Variants in GTF2H3 observed in about 807,000 individuals in gnomAD.
GTF2H3 encodes the protein general transcription factor IIH subunit 3.
In GTF2H3, 42 loss-of-function variants were observed where a neutral mutation model predicts 51.1. The ratio of observed to expected loss-of-function variants is 0.82; its 90% CI spans 0.64 to 1.06. The LOEUF (loss-of-function observed/expected upper bound fraction) is 1.06. GTF2H3 is among the 50% of genes least tolerant of loss of function. GTF2H3 has a pLI of 0.00. For missense variants in GTF2H3, 326 were observed against 366.1 expected (o/e 0.89, Z 0.89); for synonymous variants, 123 against 123.8 (o/e 0.99, Z 0.04).
chr12:123,643,466 A>G (rs952279818), intron 2 of GTF2H3, among the ~76,000 whole-genome samples: 49 of 152,224 alleles, frequency 3.2e-4, no homozygotes, highest in African/African-American at 1.2e-3. Flanking sequence ...TCAGTGCTGT[A>G]TGAGAGTTCC....
At chr12:123,638,325 ATT>A (rs1187510784) in intron 1 of GTF2H3, among the ~76,000 whole-genome samples, 5 of 142,084 alleles carry the variant, frequency 3.5e-5, no homozygotes, top group Admixed American at 1.4e-4. Context: ...AACCCAGCTA[ATT>A]TTTTTTTTTT....
Position 123,659,867 on chromosome 12 carries a change from G to A in GTF2H3, c.757G>A (p.Ala253Thr). ...LPPPVHVDYRAACFCHRNLIE... is the reference protein window; with the variant it reads ...LPPPVHVDYRTACFCHRNLIE... ...ACCCCCAGTTCATGTTGACTACAGGGCTGCTTGCTTCTGTCATCGAAATCT... is the reference window on the plus strand; with the variant it reads ...ACCCCCAGTTCATGTTGACTACAGGACTGCTTGCTTCTGTCATCGAAATCT... Residue 253 changes from alanine to threonine, a missense_variant, in exon 11 of 13, where the codon GCT becomes ACT. Physicochemically the swap from Ala to Thr is moderately conservative, Grantham distance 58 (BLOSUM62 0). Transcript: ENST00000543341. 5 of 1,613,904 alleles carry A rather than the reference G, an allele frequency of 3.1e-6. No homozygotes were observed. The highest frequency in any genetic ancestry group is 4.2e-6 in the Non-Finnish European group (5 of 1,179,826).
Position 123,645,341 on chromosome 12 carries a change from A to T in GTF2H3, c.94-114A>T, listed in dbSNP as rs1955431314. The stretch of plus-strand genomic sequence containing the variant: ...CACCTTGGCCTCTCAGGGTGCTGGG[A>T]TTACAGGCTTGAGCCACTGCACCCA... On this transcript the variant is annotated intron_variant, in intron 2 of 12. Transcript: ENST00000543341. The T allele has an allele frequency of 6.2e-6, 4 of 644,132 alleles. No homozygotes were observed. The South Asian group carries it at 7.5e-5, about 12-fold the overall frequency. 39.9% of individuals were successfully genotyped at this position (644,132 alleles called of 1,614,324 possible).
chr12:123,658,407 A>G (rs954984315), intron 9 of GTF2H3, among the ~76,000 whole-genome samples: 5 of 152,122 alleles, frequency 3.3e-5, no homozygotes, highest in Non-Finnish European at 7.4e-5. Context: ...TAGTAGAGAC[A>G]GGGTTTTATA....
At chr12:123,641,475 C>T (rs1429125210) in intron 2 of GTF2H3, among the ~76,000 whole-genome samples, 1 of 151,488 alleles carries the variant, frequency 6.6e-6, no homozygotes, top group Admixed American at 6.6e-5. Flanking sequence ...ATCTGCCTGC[C>T]TCGACCTCCC....
chr12:123,652,437 G>T, intron 5 of GTF2H3, 95 bp from the exon 6 acceptor site: 1 of 711,662 alleles, frequency 1.4e-6, no homozygotes, highest in South Asian at 1.8e-5. Flanking sequence ...GGTAGATGCT[G>T]GGTTTATTTA....
intron 9 of GTF2H3, among the ~76,000 whole-genome samples, chr12:123,657,659 C>T (rs1955604340): frequency 1.3e-5 from 2 of 152,176 alleles, no homozygotes; most frequent in African/African-American, 2.4e-5. Context: ...ATTTACTTAC[C>T]TGATTTACTC....
rs554198604 is a variant in GTF2H3, at chr12:123,645,374, C to T, written c.94-81C>T. On this transcript the variant is annotated intron_variant, in intron 2 of 12. Transcript: ENST00000543341. ...CTTGAGCCACTGCACCCAGCCTAAACGACATCTTAATTATGTCAAGACCTG... is the reference window on the plus strand; with the variant it reads ...CTTGAGCCACTGCACCCAGCCTAAATGACATCTTAATTATGTCAAGACCTG... 2.3e-4 allele frequency: 183 copies of T among 783,098 alleles called. 1 individual carries two copies. The highest frequency in any genetic ancestry group is 3.0e-4 in the Middle Eastern group (1 of 3,296). The allele number at this position is 783,098 out of a possible 1,614,324, so 48.5% of individuals were successfully genotyped here.
chr12:123,645,690 G>A, intron 3 of GTF2H3, 129 bp downstream of exon 3: 2 of 607,534 alleles, frequency 3.3e-6, no homozygotes, highest in South Asian at 4.0e-5. Flanking sequence ...AACAGCCACA[G>A]CACCAAGAGC....
intron 2 of GTF2H3, among the ~76,000 whole-genome samples, chr12:123,644,273 C>CA (rs922934254): frequency 4.1e-5 from 6 of 147,994 alleles, no homozygotes; most frequent in South Asian, 4.3e-4. Flanking sequence ...ATATGAGTAC[C>CA]AAAAAAAAAA....
intron 4 of GTF2H3, chr12:123,650,305 G>A (rs922261060): frequency 1.3e-5 from 2 of 152,168 alleles, no homozygotes; most frequent in African/African-American, 4.8e-5. Context: ...CTCATGGCTC[G>A]AGGAAAGAGC....
Position 123,660,300 on chromosome 12 carries a change from G to A in GTF2H3, c.*65G>A, listed in dbSNP as rs1955641867. On this transcript the variant is annotated 3_prime_UTR_variant, in exon 13 of 13. Coordinates refer to ENST00000543341, the MANE Select transcript of GTF2H3 (RefSeq NM_001516.5). The stretch of plus-strand genomic sequence containing the variant: ...AAATTATATAGCAGATTCTTTGTTG[G>A]GAAGACTGAAAAAAATAAAGATAGG... 1 of 1,178,240 alleles carries A rather than the reference G, an allele frequency of 8.5e-7. No individual in the cohort carries two copies. The allele number at this position is 1,178,240 out of a possible 1,614,324, so 73.0% of individuals were successfully genotyped here. A position where few individuals can be genotyped will look rare whatever the true frequency, so the allele number is the denominator to read the frequency against.
rs142266148 is a variant in GTF2H3 at position 123,654,916 on chromosome 12, A to G, written c.487-8A>G. On this transcript the variant is annotated splice_region_variant and splice_polypyrimidine_tract_variant and intron_variant, in intron 7 of 12. Transcript: ENST00000543341. ...CCTGGGTGGAATTAACATGACTGTGATTTTTAGGTGATTAAGGCTGCAGAA... is the reference window on the plus strand; with the variant it reads ...CCTGGGTGGAATTAACATGACTGTGGTTTTTAGGTGATTAAGGCTGCAGAA... The G allele has an allele frequency of 1.1e-4, 172 of 1,606,664 alleles. 2 individuals are homozygous for G. The East Asian group carries it at 3.0e-3, about 28-fold the overall frequency.
intron 5 of GTF2H3, 127 bp from the exon 6 acceptor site, chr12:123,652,405 G>T: frequency 1.6e-6 from 1 of 608,302 alleles, no homozygotes. Context: ...CTTGGTGAGT[G>T]GAGCATTTCC....
In GTF2H3 at chr12:123,649,127, T is replaced by TGACTA. The variant is rs932833157; in HGVS notation, c.364+1002_364+1006dup. 2.0e-5 allele frequency: 3 copies of TGACTA among 152,226 alleles called. No homozygotes were observed. In the East Asian group the frequency reaches 5.8e-4, roughly 29 times the overall value. The allele number at this position is 152,226 out of a possible 1,614,324, so 9.4% of individuals were successfully genotyped here. A position where few individuals can be genotyped will look rare whatever the true frequency, so the allele number is the denominator to read the frequency against. On this transcript the variant is annotated intron_variant, in intron 4 of 12. Transcript: ENST00000543341. ...GATTATAGGCACGTACCACCATGCC[T>TGACTA]GACTAATTTTTAATATTTTTAGTAG...
At chr12:123,655,315 A>C (rs1955573008) in intron 8 of GTF2H3, among the ~76,000 whole-genome samples, 1 of 152,168 alleles carries the variant, frequency 6.6e-6, no homozygotes. Context: ...ACCTTGCATC[A>C]GTTTCTTTAT....
rs1447737291 is a variant in GTF2H3 at position 123,648,014 on chromosome 12, C to T, written c.252C>T (p.Asp84=). 1 of 1,612,846 alleles carries T rather than the reference C, an allele frequency of 6.2e-7. No individual in the cohort carries two copies. The highest frequency in any genetic ancestry group is 8.5e-7 in the Non-Finnish European group (1 of 1,178,892). The change falls in exon 4 of 13, where the codon GAC becomes GAT. Residue 84 remains aspartate (D), a synonymous_variant. Coordinates refer to ENST00000543341, the MANE Select transcript of GTF2H3 (RefSeq NM_001516.5). Reference sequence around the variant, plus strand: ...GCAGACTTGGAGACTTCTTCGGAGACCCTGGCAACCCTCCTGAATTTAATC... The same window carrying T: ...GCAGACTTGGAGACTTCTTCGGAGATCCTGGCAACCCTCCTGAATTTAATC... ...KNGRLGDFFG[D]PGNPPEFNPS...
At chr12:123,650,935 T>A in intron 4 of GTF2H3, 59 bp from the exon 5 acceptor site, 1 of 1,084,806 alleles carries the variant, frequency 9.2e-7, no homozygotes, top group Non-Finnish European at 1.4e-6. Flanking sequence ...AAGCACCCAA[T>A]GATTTTAGTT....
At chr12:123,654,472 G>A (rs952743963) in intron 7 of GTF2H3, among the ~76,000 whole-genome samples, 2 of 150,818 alleles carry the variant, frequency 1.3e-5, no homozygotes, top group South Asian at 4.2e-4. Flanking sequence ...TGTGTTTTGG[G>A]TGTATGTGTA....
Sources: gnomAD v4.1 joint callset for allele counts (sites outside exome capture counted in the v4.1 genomes callset) on GRCh38, gnomAD v4.1.1 for gene constraint, MANE v1.5 for transcripts, NCBI Gene and HGNC (gene_info 2026-07-23, HGNC 2026-07-21) for gene names.